Variants in SUGCT observed in about 807,000 individuals in gnomAD.
SUGCT encodes succinyl-CoA:glutarate-CoA transferase.
In SUGCT, 41 loss-of-function variants were observed where a neutral mutation model predicts 55.0. That is an observed-to-expected ratio of 0.74 (90% CI 0.58 to 0.97). The LOEUF (loss-of-function observed/expected upper bound fraction) is 0.97, where lower values mean the gene tolerates loss of function less well. Among genes scored for constraint, SUGCT ranks in the 50% least tolerant of loss-of-function variants. The pLI is 0.00. For synonymous variants in SUGCT, 187 were observed against 200.4 expected (o/e 0.93, Z 0.56); for missense variants, 568 against 547.8 (o/e 1.04, Z -0.37).
Position 40,276,795 on chromosome 7 carries a change from ATG to A in SUGCT, c.720+2163_720+2164del, listed in dbSNP as rs754085745. The stretch of plus-strand genomic sequence containing the variant: ...ATAGTCAATCATTTTTGGGGTGTGC[ATG>A]TGTGTGTGTGTGTGTGTGTGTGTCT... On this transcript the variant is annotated intron_variant, in intron 8 of 13. Coordinates refer to ENST00000335693, the MANE Select transcript of SUGCT (RefSeq NM_001193313.2). Among the ~76,000 whole-genome samples, 1,121 of 146,748 alleles carry A rather than the reference ATG, an allele frequency of 7.6e-3. 39 individuals carry two copies. Among genetic ancestry groups the A allele is most frequent in the Admixed American group, 0.059 (869 of 14,776 alleles).
intron 12 of SUGCT, among the ~76,000 whole-genome samples, chr7:40,506,195 A>T (rs746057518): frequency 6.5e-4 from 99 of 151,996 alleles, no homozygotes; most frequent in Non-Finnish European, 1.2e-3. Context: ...AGCAATGTGA[A>T]TTTTTTTCCA....
chr7:40,320,394 G>A (rs971448400), intron 9 of SUGCT, among the ~76,000 whole-genome samples: 3 of 152,160 alleles, frequency 2.0e-5, no homozygotes, highest in Middle Eastern at 3.4e-3. Flanking sequence ...GCGTGAGCCT[G>A]TAATATTTTT....
chr7:40,937,946 T>A, the SUGCT span, among the ~76,000 whole-genome samples: 35 of 152,188 alleles, frequency 2.3e-4, no homozygotes, highest in African/African-American at 8.2e-4. Context: ...AGTTAGATTC[T>A]CATAAGGAGC....
chr7:40,379,008 C>T (rs1041758858), intron 9 of SUGCT, among the ~76,000 whole-genome samples: 8 of 152,024 alleles, frequency 5.3e-5, no homozygotes, highest in Non-Finnish European at 1.0e-4. Flanking sequence ...ATTATCTTGG[C>T]GGGCCCTGAA....
At chr7:40,442,658 G>A (rs1030217069) in intron 9 of SUGCT, among the ~76,000 whole-genome samples, 1 of 152,008 alleles carries the variant, frequency 6.6e-6, no homozygotes, top group Non-Finnish European at 1.5e-5. Context: ...CTTGCAAAAT[G>A]GCTTAATTTG....
chr7:40,529,358 C>T (rs977215364), intron 12 of SUGCT, among the ~76,000 whole-genome samples: 2 of 152,192 alleles, frequency 1.3e-5, no homozygotes, highest in Non-Finnish European at 2.9e-5. Context: ...AGAGCTTCCT[C>T]TCCACCTCCT....
At chr7:40,680,332 C>CA (rs955229972) in intron 12 of SUGCT, among the ~76,000 whole-genome samples, 21 of 151,912 alleles carry the variant, frequency 1.4e-4, no homozygotes, top group Admixed American at 4.6e-4. Context: ...CAAATAGAAA[C>CA]AAAAAAATCT....
chr7:40,496,214 G>A (rs762780660), intron 11 of SUGCT, 70 bp from the exon 12 acceptor site: 3 of 925,448 alleles, frequency 3.2e-6, no homozygotes, highest in Non-Finnish European at 5.1e-6. Context: ...TTCAAAGAGG[G>A]CCACATGATA....
chr7:40,673,212 A>G (rs774451934), intron 12 of SUGCT, among the ~76,000 whole-genome samples: 23 of 152,120 alleles, frequency 1.5e-4, no homozygotes, highest in Middle Eastern at 3.4e-3. Context: ...CTTCTTTCTC[A>G]TGTTGTTTTC....
chr7:40,499,855 A>G (rs1254783010), intron 12 of SUGCT, among the ~76,000 whole-genome samples: 1 of 152,194 alleles, frequency 6.6e-6, no homozygotes, highest in Non-Finnish European at 1.5e-5. Context: ...AAAAGTTTCA[A>G]AAACTTACTA....
chr7:40,699,853 A>G (rs1280927208), intron 12 of SUGCT, among the ~76,000 whole-genome samples: 2 of 152,202 alleles, frequency 1.3e-5, no homozygotes, highest in Non-Finnish European at 2.9e-5. Flanking sequence ...GCGAGACTCC[A>G]TCTCAAAAAA....
At chr7:40,768,070 A>G (rs919647735) in intron 13 of SUGCT, among the ~76,000 whole-genome samples, 2 of 152,190 alleles carry the variant, frequency 1.3e-5, no homozygotes, top group Admixed American at 1.3e-4. Flanking sequence ...AGAATGCCCC[A>G]TACTCCCTCA....
chr7:40,176,239 A>T (rs1344983417), intron 1 of SUGCT, among the ~76,000 whole-genome samples: 2 of 151,688 alleles, frequency 1.3e-5, no homozygotes, highest in Non-Finnish European at 2.9e-5. Flanking sequence ...AAAAAAAAAA[A>T]ATTTAGTGAG....
chr7:40,166,556 C>T (rs1349324445), intron 1 of SUGCT, among the ~76,000 whole-genome samples: 1 of 152,088 alleles, frequency 6.6e-6, no homozygotes, highest in Admixed American at 6.5e-5. Flanking sequence ...AACAAGAAAC[C>T]TTTATACGCC....
chr7:41,015,738 C>T, the SUGCT span, among the ~76,000 whole-genome samples: 12 of 152,314 alleles, frequency 7.9e-5, no homozygotes, highest in African/African-American at 2.9e-4. Context: ...AGTGTGGACT[C>T]TTCCTACAGT....
chr7:40,650,465 T>C (rs995482463), intron 12 of SUGCT, among the ~76,000 whole-genome samples: 3 of 152,150 alleles, frequency 2.0e-5, no homozygotes, highest in African/African-American at 7.2e-5. Context: ...TTTAGAGGAA[T>C]CCAACACTAA....
the SUGCT span, among the ~76,000 whole-genome samples, chr7:41,032,930 ATTTTTGTAT>A: frequency 6.6e-6 from 1 of 152,036 alleles, no homozygotes; most frequent in Non-Finnish European, 1.5e-5. Flanking sequence ...TGCCCAGCTA[ATTTTTGTAT>A]TTTTAGTAGA....
At chr7:40,826,773 G>A (rs1019721704) in intron 13 of SUGCT, among the ~76,000 whole-genome samples, 3 of 152,182 alleles carry the variant, frequency 2.0e-5, no homozygotes, top group Non-Finnish European at 4.4e-5. Context: ...CCTCTTGGGT[G>A]CCCTGTATTT....
intron 12 of SUGCT, among the ~76,000 whole-genome samples, chr7:40,698,603 A>C (rs1450427876): frequency 6.6e-6 from 1 of 152,216 alleles, no homozygotes; most frequent in Non-Finnish European, 1.5e-5. Flanking sequence ...GTCTATTGAA[A>C]TAGCTTACTT....
Sources: gnomAD v4.1 joint callset for allele counts (sites outside exome capture counted in the v4.1 genomes callset) on GRCh38, gnomAD v4.1.1 for gene constraint, MANE v1.5 for transcripts, NCBI Gene and HGNC (gene_info 2026-07-23, HGNC 2026-07-21) for gene names.